The following SGK3 variants were observed in gnomAD, a reference collection of about 807,000 sequenced individuals.
SGK3 encodes the protein serine/threonine-protein kinase Sgk3.
In SGK3, 47 loss-of-function variants were observed where a neutral mutation model predicts 68.5. The ratio of observed to expected loss-of-function variants is 0.69; its 90% confidence interval spans 0.54 to 0.87. The LOEUF (loss-of-function observed/expected upper bound fraction) is 0.87, where lower values mean the gene tolerates loss of function less well. Among genes scored for constraint, SGK3 ranks in the 40% least tolerant of loss-of-function variants. SGK3 has a pLI of 0.00. For missense variants in SGK3, 479 were observed against 575.5 expected (o/e 0.83, Z 1.72); for synonymous variants, 181 against 189.1 (o/e 0.96, Z 0.35).
chr8:66,852,321 C>T (rs62513064), intron 16 of SGK3, among the ~76,000 whole-genome samples: 2 of 120,852 alleles, frequency 1.7e-5, no homozygotes, highest in Non-Finnish European at 3.2e-5. Context: ...CTTGCTCTGT[C>T]GCCAGTCTGG....
intron 1 of SGK3, among the ~76,000 whole-genome samples, chr8:66,726,429 G>A (rs954980927): frequency 5.3e-5 from 8 of 152,024 alleles, no homozygotes; most frequent in Admixed American, 1.3e-4. Context: ...CCCCTCATCC[G>A]AAAGAACAGG....
intron 10 of SGK3, chr8:66,839,699 G>A (rs1435530457): frequency 1.2e-5 from 3 of 240,972 alleles, no homozygotes; most frequent in Non-Finnish European, 1.6e-5. Flanking sequence ...GATCTTCATC[G>A]ATAATCTTTT....
intron 1 of SGK3, among the ~76,000 whole-genome samples, chr8:66,749,957 G>A (rs1478198954): frequency 6.6e-6 from 1 of 151,238 alleles, no homozygotes; most frequent in Non-Finnish European, 1.5e-5. Context: ...GTGTGTGTGT[G>A]TGTGTGTGTA....
At chr8:66,826,803 C>G (rs1809077055) in intron 6 of SGK3, among the ~76,000 whole-genome samples, 2 of 152,000 alleles carry the variant, frequency 1.3e-5, no homozygotes, top group African/African-American at 4.8e-5. Context: ...CATCACCACA[C>G]CCAGCTAATT....
intron 8 of SGK3, 34 bp from the exon 9 acceptor site, chr8:66,835,729 T>G (rs377304547): frequency 8.5e-5 from 134 of 1,578,828 alleles, no homozygotes; most frequent in Admixed American, 2.2e-4. Flanking sequence ...ATTTGAAATT[T>G]CTAATAGTAT....
At chr8:66,748,663 A>C (rs1805718460) in intron 1 of SGK3, among the ~76,000 whole-genome samples, 1 of 152,184 alleles carries the variant, frequency 6.6e-6, no homozygotes, top group South Asian at 2.1e-4. Context: ...ATTTCCTTCT[A>C]ACACCACTGA....
intron 1 of SGK3, among the ~76,000 whole-genome samples, chr8:66,781,711 T>C (rs1806991472): frequency 6.6e-6 from 1 of 152,274 alleles, no homozygotes; most frequent in Non-Finnish European, 1.5e-5. Flanking sequence ...GTGCCAACAT[T>C]GGCTATTTTG....
chr8:66,768,110 T>C, intron 1 of SGK3: 2 of 429,828 alleles, frequency 4.7e-6, no homozygotes, highest in Non-Finnish European at 8.5e-6. Flanking sequence ...TACTTACACT[T>C]ATAGGATATA....
intron 16 of SGK3, among the ~76,000 whole-genome samples, chr8:66,857,799 A>ATATG (rs1180961155): frequency 7.5e-6 from 1 of 133,716 alleles, no homozygotes; most frequent in Non-Finnish European, 1.6e-5. Context: ...GTGTGTGTGT[A>ATATG]TGTGTGTGTG....
At chr8:66,718,120 G>A (rs937832664) in intron 1 of SGK3, among the ~76,000 whole-genome samples, 1 of 151,898 alleles carries the variant, frequency 6.6e-6, no homozygotes, top group Non-Finnish European at 1.5e-5. Flanking sequence ...CCGCCTTTGG[G>A]GTTCAAGCGA....
chr8:66,749,205 G>C (rs1011011180), intron 1 of SGK3, among the ~76,000 whole-genome samples: 1 of 152,148 alleles, frequency 6.6e-6, no homozygotes, highest in Non-Finnish European at 1.5e-5. Context: ...AATTGGACTT[G>C]TTTCATCTTA....
chr8:66,807,933 C>T (rs1255595856), intron 4 of SGK3, among the ~76,000 whole-genome samples: 1 of 151,896 alleles, frequency 6.6e-6, no homozygotes, highest in Non-Finnish European at 1.5e-5. Flanking sequence ...CAAAAAAGCT[C>T]TTTATGTATT....
intron 1 of SGK3, among the ~76,000 whole-genome samples, chr8:66,782,459 A>G (rs1237401992): frequency 6.6e-6 from 1 of 152,168 alleles, no homozygotes; most frequent in East Asian, 1.9e-4. Flanking sequence ...ATATGTTACA[A>G]TCGGTGAACC....
chr8:66,737,615 AT>A lies in SGK3; in HGVS notation c.-122+24783del, dbSNP rs1414902642. 1.9e-3 allele frequency: 266 copies of A among 139,590 alleles called. 1 individual carries two copies. The highest frequency in any genetic ancestry group is 7.0e-3 in the African/African-American group (256 of 36,774). The allele number at this position is 139,590 out of a possible 1,614,324, so 8.6% of individuals were successfully genotyped here. ...CTCCTACCCGGACCCAGACCCCTTT[AT>A]CTTTTTTTTTTTTTTTTTTGACAGA... On this transcript the variant is annotated intron_variant, in intron 1 of 16. Coordinates refer to ENST00000521198, the MANE Select transcript of SGK3 (RefSeq NM_001033578.3).
chr8:66,818,038 G>A (rs555091661), intron 5 of SGK3, among the ~76,000 whole-genome samples: 13 of 152,256 alleles, frequency 8.5e-5, no homozygotes, highest in Admixed American at 2.0e-4. Flanking sequence ...AGAATCACCC[G>A]AGCCCAGGAG....
intron 1 of SGK3, among the ~76,000 whole-genome samples, chr8:66,715,005 T>C (rs757441859): frequency 1.9e-4 from 29 of 152,328 alleles, no homozygotes; most frequent in Middle Eastern, 3.4e-3. Context: ...CCGTAGTAAT[T>C]GATTTATGCC....
chr8:66,802,681 A>G (rs776351240), intron 3 of SGK3, among the ~76,000 whole-genome samples: 13 of 149,606 alleles, frequency 8.7e-5, no homozygotes, highest in Non-Finnish European at 1.8e-4. Context: ...AAAAGAAAGA[A>G]AGAGAGAGGG....
At chr8:66,759,501 G>C (rs1806090360) in intron 1 of SGK3, among the ~76,000 whole-genome samples, 1 of 145,006 alleles carries the variant, frequency 6.9e-6, no homozygotes, top group African/African-American at 2.5e-5. Flanking sequence ...GCATGATCTT[G>C]GCTCACTGCA....
At chr8:66,779,542 A>G (rs11995814) in intron 1 of SGK3, among the ~76,000 whole-genome samples, 17,761 of 135,098 alleles carry the variant, frequency 0.13, 2,228 homozygotes, top group African/African-American at 0.33. Context: ...ATATATATAT[A>G]TGTATATGTA....
Sources: allele counts gnomAD v4.1 joint callset (sites outside exome capture counted in the v4.1 genomes callset), GRCh38; gene constraint gnomAD v4.1.1; transcripts MANE v1.5; gene names NCBI Gene and HGNC (gene_info 2026-07-23, HGNC 2026-07-21).